LLGL2: variants seen among roughly 807,000 people sequenced by gnomAD.
The protein encoded by LLGL2 is LLGL2, scribble cell polarity complex component.
LLGL2 carries 81 observed loss-of-function variants against 123.2 expected under a neutral mutation model. The ratio of observed to expected loss-of-function variants is 0.66; its 90% CI spans 0.55 to 0.79. The LOEUF is 0.79. Among genes scored for constraint, LLGL2 ranks in the 30% least tolerant of loss-of-function variants. The pLI is 0.00. For synonymous variants in LLGL2, 577 were observed against 594.1 expected (o/e 0.97, Z 0.42); for missense variants, 1,273 against 1,414.6 (o/e 0.90, Z 1.61).
rs751311283 is a variant in LLGL2, at chr17:75,568,561, C to G, written c.1122C>G (p.Val374=). 1.2e-6 allele frequency: 2 copies of G among 1,613,850 alleles called. 1 individual carries two copies. Among genetic ancestry groups the G allele is most frequent in the South Asian group, 2.2e-5 (2 of 91,084 alleles). The change falls in exon 11 of 26, where the codon GTC becomes GTG. Residue 374 remains valine (V), a synonymous_variant. Transcript: ENST00000392550. ...IDLQTAGWPP[V]QLPYLASLHC... is the part of the protein sequence containing the mutation. ...TGCAGACAGCAGGCTGGCCACCGGT[C>G]CAGCTGCCCTACCTGGCTTCTCTGC...
chr17:75,554,023 C>G (rs78329331), intron 2 of LLGL2, among the ~76,000 whole-genome samples: 5,665 of 152,134 alleles, frequency 0.037, 145 homozygotes, highest in Middle Eastern at 0.11. Flanking sequence ...CATTTTAGGC[C>G]GGGTATGATG....
Position 75,571,025 on chromosome 17 carries a change from G to A in LLGL2, c.2101G>A (p.Glu701Lys). 5 of 1,613,072 alleles carry A rather than the reference G, an allele frequency of 3.1e-6. No individual in the cohort carries two copies. In the South Asian group the frequency reaches 3.3e-5, roughly 11 times the overall value. The change falls in exon 17 of 26, where the codon GAG becomes AAG. Residue 701 changes from glutamate to lysine, a missense_variant. Transcript: ENST00000392550. ...MELAPVQRKI[E>K]ARSAEDSFTG... is the part of the protein sequence containing the mutation. Reference sequence around the variant, plus strand: ...GCTGGCGCCTGTGCAGCGCAAGATCGAGGCTCGCTCGGCAGAGGACTCCTT... The same window carrying A: ...GCTGGCGCCTGTGCAGCGCAAGATCAAGGCTCGCTCGGCAGAGGACTCCTT...
chr17:75,547,190 A>C (rs916906468), intron 2 of LLGL2, among the ~76,000 whole-genome samples: 1 of 152,200 alleles, frequency 6.6e-6, no homozygotes, highest in Non-Finnish European at 1.5e-5. Context: ...CCTGAGAGGG[A>C]GACGTCTTGT....
At chr17:75,574,584 T>C in intron 24 of LLGL2, 26 bp from the exon 25 acceptor site, 1 of 1,610,892 alleles carries the variant, frequency 6.2e-7, no homozygotes, top group Admixed American at 1.7e-5. Context: ...CCTGAGGCCA[T>C]GACTCCCCTG....
Position 75,544,339 on chromosome 17 carries a change from C to T in LLGL2, c.75+838C>T, listed in dbSNP as rs1227720710. ...CCCTCCCAATATGCTGAGGGCAGGA[C>T]ATGTGGCTTTCGTTGGGGGCTTCCG... On this transcript the variant is annotated intron_variant, in intron 2 of 25. Transcript: ENST00000392550. The surrounding 1 kb of genome is among the most constrained non-coding windows in gnomAD (Gnocchi z 4.2). Among the ~76,000 whole-genome samples the T allele has an allele frequency of 2.6e-5, 4 of 152,240 alleles. No individual in the cohort carries two copies. The highest frequency in any genetic ancestry group is 1.9e-4 in the East Asian group (1 of 5,200).
chr17:75,571,654 G>A lies in LLGL2; in HGVS notation c.2177-13G>A. The A allele has an allele frequency of 6.3e-7, 1 of 1,597,302 alleles. No homozygotes were observed. Among genetic ancestry groups the A allele is most frequent in the South Asian group, 1.1e-5 (1 of 90,826 alleles). On this transcript the variant is annotated splice_polypyrimidine_tract_variant and intron_variant, in intron 17 of 25. Transcript: ENST00000392550. Reference sequence around the variant, plus strand: ...CGCTAAGGGTCAGACACCCAAACATGGCTTCTCGGCAGGCTCCCGGCACTG... The same window carrying A: ...CGCTAAGGGTCAGACACCCAAACATAGCTTCTCGGCAGGCTCCCGGCACTG...
chr17:75,535,383 C>T (rs1276482148), intron 1 of LLGL2, among the ~76,000 whole-genome samples: 1 of 152,248 alleles, frequency 6.6e-6, no homozygotes, highest in Non-Finnish European at 1.5e-5. Context: ...GCAGCTGGCG[C>T]TGGGTGCGGC....
At chr17:75,536,343 C>G (rs2054000676) in intron 1 of LLGL2, among the ~76,000 whole-genome samples, 1 of 152,166 alleles carries the variant, frequency 6.6e-6, no homozygotes, top group African/African-American at 2.4e-5. Flanking sequence ...TGCACAGCAC[C>G]TGAGAGTTTG....
intron 1 of LLGL2, among the ~76,000 whole-genome samples, chr17:75,540,743 T>C (rs2054176095): frequency 6.6e-6 from 1 of 152,130 alleles, no homozygotes; most frequent in African/African-American, 2.4e-5. Flanking sequence ...CTTGACAGGG[T>C]GTTTTGCTGC....
rs1598626218 is a variant in LLGL2, at chr17:75,568,962, T to G, written c.1323-16T>G. The stretch of plus-strand genomic sequence containing the variant: ...TGGCATCCCTCTCACGCCTGGCAGG[T>G]GGGTTCTGCCCACAGGCACGAGGAC... On this transcript the variant is annotated splice_polypyrimidine_tract_variant and intron_variant, in intron 12 of 25. Coordinates refer to ENST00000392550, the MANE Select transcript of LLGL2 (RefSeq NM_001031803.2). 1 of 1,605,380 alleles carries G rather than the reference T, an allele frequency of 6.2e-7. No homozygotes were observed. The highest frequency in any genetic ancestry group is 8.5e-7 in the Non-Finnish European group (1 of 1,174,492).
chr17:75,556,157 C>A lies in LLGL2; in HGVS notation c.173+14C>A. Reference sequence around the variant, plus strand: ...AGCCATCAAGCTGTATCCTCCGTCCCCTCGCTCCCACTCGGGCAGGGCCTT... The same window carrying A: ...AGCCATCAAGCTGTATCCTCCGTCCACTCGCTCCCACTCGGGCAGGGCCTT... On this transcript the variant is annotated intron_variant, in intron 3 of 25. Coordinates refer to ENST00000392550, the MANE Select transcript of LLGL2 (RefSeq NM_001031803.2). 1 of 1,601,274 alleles carries A rather than the reference C, an allele frequency of 6.2e-7. No homozygotes were observed.
chr17:75,573,886 A>C lies in LLGL2; in HGVS notation c.2877-66A>C, dbSNP rs2055848310. 4 of 1,521,860 alleles carry C rather than the reference A, an allele frequency of 2.6e-6. No individual in the cohort carries two copies. In the African/African-American group the frequency reaches 5.5e-5, roughly 21 times the overall value. The allele number at this position is 1,521,860 out of a possible 1,614,324, so 94.3% of individuals were successfully genotyped here. On this transcript the variant is annotated intron_variant, in intron 21 of 25. Coordinates refer to ENST00000392550, the MANE Select transcript of LLGL2 (RefSeq NM_001031803.2). ...GCGCCATTGACTTGTTCTTCATGGG[A>C]CCAGGGCTCTCAGAGCCGGGCAGGG... is the stretch of plus-strand genomic sequence containing the variant.
chr17:75,561,099 T>C (rs2147421814), intron 6 of LLGL2, among the ~76,000 whole-genome samples: 1 of 152,332 alleles, frequency 6.6e-6, no homozygotes, highest in East Asian at 1.9e-4. Context: ...CCCAAAGTGC[T>C]GGGATTACAG....
chr17:75,572,972 C>A, intron 19 of LLGL2, 42 bp from the exon 20 acceptor site: 1 of 1,564,158 alleles, frequency 6.4e-7, no homozygotes, highest in Non-Finnish European at 8.7e-7. Context: ...GGCAGGAGAA[C>A]TGGTTTGGCC....
At chr17:75,560,084 G>A (rs1223967605) in intron 6 of LLGL2, among the ~76,000 whole-genome samples, 1 of 152,174 alleles carries the variant, frequency 6.6e-6, no homozygotes, top group Non-Finnish European at 1.5e-5. Context: ...GCCCTGCAAG[G>A]CTTTGGACTG....
intron 1 of LLGL2, among the ~76,000 whole-genome samples, chr17:75,535,208 A>G (rs1253970197): frequency 7.2e-5 from 11 of 152,254 alleles, no homozygotes; most frequent in Non-Finnish European, 1.6e-4. Flanking sequence ...TAGGAGGTGC[A>G]GGGGCGGATT....
At chr17:75,550,492 G>A (rs2054617018) in intron 2 of LLGL2, among the ~76,000 whole-genome samples, 1 of 151,852 alleles carries the variant, frequency 6.6e-6, no homozygotes, top group Non-Finnish European at 1.5e-5. Context: ...ACCAAAGTAA[G>A]GGGCGGGGCA....
chr17:75,539,108 G>A, intron 1 of LLGL2, among the ~76,000 whole-genome samples: 1 of 152,024 alleles, frequency 6.6e-6, no homozygotes, highest in South Asian at 2.1e-4. Context: ...ACCTAGGCTA[G>A]AGTACAGTGG....
chr17:75,558,754 G>A lies in LLGL2; in HGVS notation c.371+127G>A, dbSNP rs902948063. 91 of 739,946 alleles carry A rather than the reference G, an allele frequency of 1.2e-4. No individual in the cohort carries two copies. The highest frequency in any genetic ancestry group is 1.9e-4 in the South Asian group (11 of 59,248). 45.8% of individuals were successfully genotyped at this position (739,946 alleles called of 1,614,324 possible). A position where few individuals can be genotyped will look rare whatever the true frequency, so the allele number is the denominator to read the frequency against. On this transcript the variant is annotated intron_variant, in intron 5 of 25. Transcript: ENST00000392550. The surrounding 1 kb of genome is among the most constrained non-coding windows in gnomAD (Gnocchi z 4.0). ...GCAGTGACTGGCATGCGTTTGGCCCGATGCATCGCCACACTCAGGTGCTCC... is the reference window on the plus strand; with the variant it reads ...GCAGTGACTGGCATGCGTTTGGCCCAATGCATCGCCACACTCAGGTGCTCC...
Sources: allele counts gnomAD v4.1 joint callset (sites outside exome capture counted in the v4.1 genomes callset), GRCh38; gene constraint gnomAD v4.1.1; non-coding constraint Gnocchi (gnomAD v3.1); transcripts MANE v1.5; gene names NCBI Gene and HGNC (gene_info 2026-07-23, HGNC 2026-07-21).